SLC43A3: variants seen among roughly 807,000 people sequenced by gnomAD.
The protein encoded by SLC43A3 is equilibrative nucleobase transporter 1.
In SLC43A3, 33 loss-of-function variants were observed where a neutral mutation model predicts 53.3. The observed-to-expected ratio is 0.62, with a 90% CI of 0.47 to 0.83. The LOEUF (loss-of-function observed/expected upper bound fraction) is 0.83, where lower values mean the gene tolerates loss of function less well. Among genes scored for constraint, SLC43A3 ranks in the 40% least tolerant of loss-of-function variants. SLC43A3 has a pLI of 0.00. For synonymous variants in SLC43A3, 236 were observed against 246.2 expected, an observed-to-expected ratio of 0.96 and a Z score of 0.39; for missense variants, 530 against 610.0, an observed-to-expected ratio of 0.87 and a Z score of 1.38.
chr11:57,426,215 T>C lies in SLC43A3; in HGVS notation c.-43A>G, dbSNP rs1590715637. The C allele has an allele frequency of 6.3e-7, 1 of 1,589,614 alleles. No homozygotes were observed. Among genetic ancestry groups the C allele is most frequent in the Non-Finnish European group, 8.6e-7 (1 of 1,161,368 alleles). ...ATCTTCAAATCCCACTTTGTCCTCC[T>C]GGACGGATCACAGGCGCCGTAAGCC... On this transcript the variant is annotated 5_prime_UTR_variant, in exon 3 of 14. Coordinates refer to ENST00000395124, the MANE Select transcript of SLC43A3 (RefSeq NM_199329.3).
intron 5 of SLC43A3, 134 bp from the exon 6 acceptor site, chr11:57,421,507 G>A (rs768722636): frequency 8.2e-5 from 54 of 654,744 alleles, no homozygotes; most frequent in Non-Finnish European, 1.3e-4. Flanking sequence ...GCGTTCCAGC[G>A]TCCTTCAAGG....
chr11:57,426,257 G>T lies in SLC43A3; in HGVS notation c.-85C>A, dbSNP rs2135080992. ...CCGTAAGCCTGGCGTTTGAGCACTT[G>T]GAAAATTCCTCTGGCAAGCCAAGCC... is the stretch of plus-strand genomic sequence containing the variant. On this transcript the variant is annotated 5_prime_UTR_variant, in exon 3 of 14. Transcript: ENST00000395124. 2 of 1,364,168 alleles carry T rather than the reference G, an allele frequency of 1.5e-6. No homozygotes were observed. Among genetic ancestry groups the T allele is most frequent in the South Asian group, 2.6e-5 (2 of 77,606 alleles). 84.5% of individuals were successfully genotyped at this position (1,364,168 alleles called of 1,614,324 possible).
intron 11 of SLC43A3, among the ~76,000 whole-genome samples, chr11:57,412,807 C>CA (rs1164525684): frequency 1.7e-3 from 192 of 112,586 alleles, no homozygotes; most frequent in African/African-American, 1.7e-3. Flanking sequence ...GACTCTGTCT[C>CA]AAAAAAAAAA....
chr11:57,425,112 G>C (rs536312576), intron 4 of SLC43A3, among the ~76,000 whole-genome samples: 2 of 152,300 alleles, frequency 1.3e-5, no homozygotes, highest in South Asian at 4.1e-4. Flanking sequence ...GGGGGGCGGT[G>C]AGGAGGATGA....
At chr11:57,420,940 G>T in intron 7 of SLC43A3, 32 bp downstream of exon 7, 1 of 1,390,918 alleles carries the variant, frequency 7.2e-7, no homozygotes, top group Non-Finnish European at 1.0e-6. Context: ...ATATACAAGT[G>T]CCCAGTGAAT....
In SLC43A3 at chr11:57,410,100, G is replaced by A; in HGVS notation, c.1082C>T (p.Ala361Val). The part of the protein sequence containing the change: ...RKTGSSTLAV[A>V]LCSTVPSLAL... Reference sequence around the variant, plus strand: ...CAGCGAAGGCACCGTCGAGCAGAGGGCCACCGCCAAAGTGGAGGAACCTGG... The same window carrying A: ...CAGCGAAGGCACCGTCGAGCAGAGGACCACCGCCAAAGTGGAGGAACCTGG... Residue 361 changes from alanine (A) to valine (V), a missense_variant, in exon 12 of 14, where the codon GCC (alanine) becomes GTC (valine). Around this residue, in one of 3 missense-constraint regions of SLC43A3, gnomAD observed 124 missense variants for 166.4 expected, o/e 0.75. Transcript: ENST00000395124. 1.2e-6 allele frequency: 2 copies of A among 1,605,778 alleles called. No individual in the cohort carries two copies. The highest frequency in any genetic ancestry group is 1.7e-6 in the Non-Finnish European group (2 of 1,176,632).
chr11:57,417,002 T>C (rs1452194514), intron 8 of SLC43A3, among the ~76,000 whole-genome samples: 1 of 152,226 alleles, frequency 6.6e-6, no homozygotes, highest in Non-Finnish European at 1.5e-5. Flanking sequence ...TTAACCCTTC[T>C]GAGCCTCATT....
At chr11:57,423,413 G>A (rs965247435) in intron 5 of SLC43A3, among the ~76,000 whole-genome samples, 2 of 152,008 alleles carry the variant, frequency 1.3e-5, no homozygotes, top group African/African-American at 4.8e-5. Context: ...GTTTTTTGTT[G>A]TTGTTTTGTT....
chr11:57,408,066 C>G (rs1044083203), intron 13 of SLC43A3, 170 bp from the exon 14 acceptor site: 2 of 572,692 alleles, frequency 3.5e-6, no homozygotes, highest in African/African-American at 1.9e-5. Context: ...GAAGGACTTT[C>G]AGTTACTTTT....
In SLC43A3 at chr11:57,415,090, C is replaced by T. The variant is rs1240760380; in HGVS notation, c.786G>A (p.Gly262=). 2.5e-6 allele frequency: 4 copies of T among 1,610,902 alleles called. No individual in the cohort carries two copies. The highest frequency in any genetic ancestry group is 1.3e-5 in the African/African-American group (1 of 75,034). ...AGAAGGAGCGGAGTTCCTGCTTCTG[C>T]CCTGCCCCTGGGGTCTCTAATGGGG... ...LSAKEETPGA[G]QKQELRSFWS... Residue 262 remains glycine, a synonymous_variant, in exon 10 of 14, where the codon GGG becomes GGA. Coordinates refer to ENST00000395124, the MANE Select transcript of SLC43A3 (RefSeq NM_199329.3).
chr11:57,421,232 G>C, intron 6 of SLC43A3, 65 bp downstream of exon 6: 2 of 1,430,482 alleles, frequency 1.4e-6, no homozygotes, highest in African/African-American at 1.4e-5. Context: ...TATAGAAAAG[G>C]GTCTCTCCTT....
rs1942265429 is a variant in SLC43A3 at position 57,407,714 on chromosome 11, T to G, written c.*78A>C. ...GTGTTTTGCTGGGATAGGCAAAGTC[T>G]TTTGGGACACGAGGTCCTCAAAGGT... On this transcript the variant is annotated 3_prime_UTR_variant, in exon 14 of 14. Transcript: ENST00000395124. The G allele has an allele frequency of 1.2e-6, 1 of 823,592 alleles. No homozygotes were observed. Among genetic ancestry groups the G allele is most frequent in the African/African-American group, 1.7e-5 (1 of 59,438 alleles). 51.0% of individuals were successfully genotyped at this position (823,592 alleles called of 1,614,324 possible).
At chr11:57,416,775 G>A (rs1323419627) in intron 8 of SLC43A3, 105 bp from the exon 9 acceptor site, 2 of 871,066 alleles carry the variant, frequency 2.3e-6, no homozygotes, top group Non-Finnish European at 3.7e-6. Flanking sequence ...ACCGCACTTT[G>A]GAATCACCTT....
chr11:57,410,063 G>A lies in SLC43A3; in HGVS notation c.1119C>T (p.Ser373=), dbSNP rs371535880. The change falls in exon 12 of 14, where the codon TCC becomes TCT. Residue 373 remains serine, a synonymous_variant. Coordinates refer to ENST00000395124, the MANE Select transcript of SLC43A3 (RefSeq NM_199329.3). ...CSTVPSLALT[S]LLCLGFALCA... is the part of the protein sequence containing the mutation. ...AGAGGGCGAAGCCCAGGCACAGCAG[G>A]GATGTCAGGGCCAGCGAAGGCACCG... 6.2e-7 allele frequency: 1 copy of A among 1,612,436 alleles called. No homozygotes were observed. The highest frequency in any genetic ancestry group is 8.5e-7 in the Non-Finnish European group (1 of 1,179,512).
intron 7 of SLC43A3, among the ~76,000 whole-genome samples, chr11:57,418,138 G>C (rs1942808061): frequency 6.6e-6 from 1 of 152,122 alleles, no homozygotes; most frequent in South Asian, 2.1e-4. Flanking sequence ...GACCAGCCTT[G>C]ACAACATAGT....
At chr11:57,422,517 C>T (rs954054020) in intron 5 of SLC43A3, among the ~76,000 whole-genome samples, 3 of 152,170 alleles carry the variant, frequency 2.0e-5, no homozygotes, top group African/African-American at 7.2e-5. Flanking sequence ...TCTTAACTAC[C>T]GTGCTATACC....
rs1363533027 is a variant in SLC43A3, at chr11:57,423,738, A to T, written c.361+244T>A. On this transcript the variant is annotated intron_variant, in intron 5 of 13. Coordinates refer to ENST00000395124, the MANE Select transcript of SLC43A3 (RefSeq NM_199329.3). ...AGCCACTGCACCTGGCCAGATGTAA[A>T]GTTTTGAATAAATTCTACTCTCTGA... 10 of 448,246 alleles carry T rather than the reference A, an allele frequency of 2.2e-5. No homozygotes were observed. The East Asian group carries it at 3.4e-4, about 15-fold the overall frequency. 27.8% of individuals were successfully genotyped at this position (448,246 alleles called of 1,614,324 possible). A position where few individuals can be genotyped will look rare whatever the true frequency, so the allele number is the denominator to read the frequency against.
Position 57,410,012 on chromosome 11 carries a change from G to A in SLC43A3, c.1170C>T (p.Leu390=). Residue 390 remains leucine, a synonymous_variant, in exon 12 of 14, where the codon CTC becomes CTT. Coordinates refer to ENST00000395124, the MANE Select transcript of SLC43A3 (RefSeq NM_199329.3). ...CTTGCAGGATGAAGGTGAGGTACTGGAGAGGGAGGATGGGGACTGAGGCAC... is the reference window on the plus strand; with the variant it reads ...CTTGCAGGATGAAGGTGAGGTACTGAAGAGGGAGGATGGGGACTGAGGCAC... ...ALCASVPILP[L]QYLTFILQVI... is the part of the protein sequence containing the mutation. 3.7e-6 allele frequency: 6 copies of A among 1,613,364 alleles called. No homozygotes were observed. Among genetic ancestry groups the A allele is most frequent in the Non-Finnish European group, 5.1e-6 (6 of 1,179,816 alleles).
At chr11:57,418,431 T>C (rs903763705) in intron 7 of SLC43A3, among the ~76,000 whole-genome samples, 3 of 152,148 alleles carry the variant, frequency 2.0e-5, no homozygotes, top group African/African-American at 7.2e-5. Context: ...CAGTGGTTCC[T>C]GCCTGTAATT....
Sources: allele counts gnomAD v4.1 joint callset (sites outside exome capture counted in the v4.1 genomes callset), GRCh38; gene constraint gnomAD v4.1.1; regional missense constraint gnomAD v4.1.1; transcripts MANE v1.5; gene names NCBI Gene and HGNC (gene_info 2026-07-23, HGNC 2026-07-21).